Variants in DPYS observed in about 807,000 individuals in gnomAD.
The protein encoded by DPYS is dihydropyrimidine amidohydrolase.
Under a neutral mutation model 50.3 loss-of-function variants are expected in DPYS, and 39 were observed. The ratio of observed to expected loss-of-function variants is 0.78; its 90% confidence interval spans 0.60 to 1.01. DPYS has a LOEUF of 1.01. DPYS is among the 50% of genes least tolerant of loss of function. The probability of loss-of-function intolerance (pLI) is 0.00; values close to 1 mark genes in which losing one functional copy is unlikely to be tolerated. For missense variants in DPYS, 659 were observed against 680.9 expected (o/e 0.97, Z 0.36); for synonymous variants, 245 against 250.7 (o/e 0.98, Z 0.22).
chr8:104,412,483 C>T (rs572430517), intron 7 of DPYS, among the ~76,000 whole-genome samples: 15 of 152,090 alleles, frequency 9.9e-5, no homozygotes, highest in Non-Finnish European at 1.6e-4. Flanking sequence ...ATTGTGTGTG[C>T]GGTTAGAATG....
chr8:104,433,592 C>A (rs1426214067), intron 4 of DPYS, among the ~76,000 whole-genome samples: 1 of 152,054 alleles, frequency 6.6e-6, no homozygotes, highest in East Asian at 1.9e-4. Context: ...CAAGGTCATG[C>A]CACTGAACTC....
intron 1 of DPYS, among the ~76,000 whole-genome samples, chr8:104,461,018 T>C (rs147633718): frequency 3.2e-3 from 486 of 151,558 alleles, no homozygotes; most frequent in Non-Finnish European, 5.0e-3. Context: ...GCACAGTGGC[T>C]CACACCTGTA....
intron 4 of DPYS, among the ~76,000 whole-genome samples, chr8:104,437,713 T>C (rs1159789108): frequency 2.0e-5 from 3 of 152,328 alleles, no homozygotes; most frequent in East Asian, 3.9e-4. Context: ...TCTTTACTTC[T>C]CTAATAAAGT....
Position 104,452,036 on chromosome 8 carries a change from G to A in DPYS, c.265-632C>T, listed in dbSNP as rs1226500129. Among the ~76,000 whole-genome samples the A allele has an allele frequency of 1.3e-4, 20 of 152,200 alleles. No homozygotes were observed. In the East Asian group the frequency reaches 3.1e-3, roughly 24 times the overall value. On this transcript the variant is annotated intron_variant, in intron 1 of 9. Transcript: ENST00000351513. Reference sequence around the variant, plus strand: ...TCCAATACAAACCCCTCATTGCAACGAGAGAGATATTTCCAAAGCAAAAAT... The same window carrying A: ...TCCAATACAAACCCCTCATTGCAACAAGAGAGATATTTCCAAAGCAAAAAT...
chr8:104,419,000 T>G (rs1015817523), intron 7 of DPYS: 1 of 985,436 alleles, frequency 1.0e-6, no homozygotes, highest in Non-Finnish European at 1.2e-6. Flanking sequence ...GTGACTCTTT[T>G]GGCTTCATTT....
intron 4 of DPYS, among the ~76,000 whole-genome samples, chr8:104,441,988 T>C (rs1044361434): frequency 1.3e-5 from 2 of 152,272 alleles, no homozygotes; most frequent in Admixed American, 6.5e-5. Flanking sequence ...ACCTTTTATG[T>C]AGGAAAGAAG....
At chr8:104,384,442 T>G (rs1811149796) in intron 8 of DPYS, among the ~76,000 whole-genome samples, 1 of 152,246 alleles carries the variant, frequency 6.6e-6, no homozygotes, top group Non-Finnish European at 1.5e-5. Context: ...GTGATGGCAC[T>G]CCTTCTGCAG....
chr8:104,421,863 A>G (rs1333276399), intron 7 of DPYS, among the ~76,000 whole-genome samples: 2 of 152,224 alleles, frequency 1.3e-5, no homozygotes, highest in African/African-American at 4.8e-5. Flanking sequence ...AGGGCAAGAC[A>G]ATGTTATAGA....
chr8:104,466,588 C>T, intron 1 of DPYS, 69 bp downstream of exon 1: 1 of 1,444,872 alleles, frequency 6.9e-7, no homozygotes, highest in Non-Finnish European at 9.1e-7. Flanking sequence ...CTGAGGACCC[C>T]GGGACGACTG....
chr8:104,463,049 T>G (rs953886888), intron 1 of DPYS, among the ~76,000 whole-genome samples: 2 of 152,164 alleles, frequency 1.3e-5, no homozygotes, highest in African/African-American at 4.8e-5. Flanking sequence ...AATCTAGTGA[T>G]CGATAAATAG....
At chr8:104,455,944 A>T (rs1040407385) in intron 1 of DPYS, among the ~76,000 whole-genome samples, 5 of 152,234 alleles carry the variant, frequency 3.3e-5, no homozygotes, top group African/African-American at 1.2e-4. Flanking sequence ...GACACAGGGC[A>T]TATATATGTA....
At chr8:104,440,301 G>C (rs2853173) in intron 4 of DPYS, among the ~76,000 whole-genome samples, 92,552 of 150,990 alleles carry the variant, frequency 0.61, 29,313 homozygotes, top group Non-Finnish European at 0.71. Flanking sequence ...TCTCCTTTGT[G>C]CCTCCTGGAG....
rs748491306 is a variant in DPYS at position 104,424,263 on chromosome 8, C to T, written c.1219G>A (p.Asp407Asn). The T allele has an allele frequency of 8.1e-6, 13 of 1,614,084 alleles. No individual in the cohort carries two copies. The East Asian group carries it at 1.8e-4, about 22-fold the overall frequency. ...TAGACTTACCTTGTGCCTTTTGGGTCCCAAATAACAATGTCAGCATCTGAT... is the reference window on the plus strand; with the variant it reads ...TAGACTTACCTTGTGCCTTTTGGGTTCCAAATAACAATGTCAGCATCTGAT... Reference protein sequence around the residue: ...VGSDADIVIWDPKGTRTISAK... With the variant: ...VGSDADIVIWNPKGTRTISAK... Residue 407 changes from aspartate (D) to asparagine (N), a missense_variant, in exon 7 of 10, where the codon GAC becomes AAC. Asp to Asn is a conservative substitution (Grantham distance 23, BLOSUM62 1). Coordinates refer to ENST00000351513, the MANE Select transcript of DPYS (RefSeq NM_001385.3).
intron 7 of DPYS, among the ~76,000 whole-genome samples, chr8:104,408,031 T>C (rs1224661532): frequency 1.3e-5 from 2 of 152,230 alleles, no homozygotes; most frequent in Non-Finnish European, 2.9e-5. Flanking sequence ...CACTCATTCA[T>C]TTTACATGCA....
At chr8:104,403,924 A>G (rs916818812) in intron 7 of DPYS, among the ~76,000 whole-genome samples, 4 of 152,222 alleles carry the variant, frequency 2.6e-5, no homozygotes, top group Non-Finnish European at 5.9e-5. Context: ...CCTGGCCTCC[A>G]GCTTTCCTGA....
At chr8:104,439,132 G>A (rs564289878) in intron 4 of DPYS, among the ~76,000 whole-genome samples, 7 of 151,814 alleles carry the variant, frequency 4.6e-5, no homozygotes, top group Non-Finnish European at 1.0e-4. Context: ...ATCATTTGAA[G>A]TGACATTTAT....
chr8:104,391,335 T>C (rs1014657219), intron 8 of DPYS, among the ~76,000 whole-genome samples: 3 of 152,114 alleles, frequency 2.0e-5, no homozygotes, highest in African/African-American at 4.8e-5. Context: ...GGGAGAAGCC[T>C]TAGAACTAGT....
At chr8:104,417,322 C>T (rs183428750) in intron 7 of DPYS, among the ~76,000 whole-genome samples, 87 of 152,190 alleles carry the variant, frequency 5.7e-4, no homozygotes, top group Non-Finnish European at 9.3e-4. Flanking sequence ...ACTGAAGCTC[C>T]GAGGATGGTT....
At chr8:104,429,780 C>T (rs941865893) in intron 4 of DPYS, 79 bp from the exon 5 acceptor site, 1 of 1,560,344 alleles carries the variant, frequency 6.4e-7, no homozygotes, top group Non-Finnish European at 8.8e-7. Flanking sequence ...AAATATTAAT[C>T]TTTTCTCCCC....
Sources: allele counts gnomAD v4.1 joint callset (sites outside exome capture counted in the v4.1 genomes callset), GRCh38; gene constraint gnomAD v4.1.1; transcripts MANE v1.5; gene names NCBI Gene and HGNC (gene_info 2026-07-23, HGNC 2026-07-21).